CFAP210: variants seen among roughly 807,000 people sequenced by gnomAD.
CFAP210 encodes cilia- and flagella- associated protein 210.
chr2:169,657,405 A>C, the CFAP210 span, among the ~76,000 whole-genome samples: 3 of 152,188 alleles, frequency 2.0e-5, no homozygotes, highest in Admixed American at 2.0e-4. Flanking sequence ...AACCATTCGG[A>C]CAGAAAGAAG....
the CFAP210 span, among the ~76,000 whole-genome samples, chr2:169,651,453 G>A: frequency 1.3e-5 from 2 of 151,814 alleles, no homozygotes; most frequent in East Asian, 3.9e-4. Context: ...GGAGTGCAGT[G>A]GCACAATCTT....
At chr2:169,687,602 T>C in the CFAP210 span, among the ~76,000 whole-genome samples, 62,007 of 152,080 alleles carry the variant, frequency 0.41, 12,936 homozygotes, top group Non-Finnish European at 0.44. Flanking sequence ...GGACCCATGG[T>C]CTTTGGCAGT....
chr2:169,650,292 G>A, the CFAP210 span: 1 of 1,509,930 alleles, frequency 6.6e-7, no homozygotes, highest in Middle Eastern at 2.1e-4. Context: ...TCCTAACTCT[G>A]TCTTTCTATT....
At chr2:169,682,559 C>G in the CFAP210 span, among the ~76,000 whole-genome samples, 1 of 152,246 alleles carries the variant, frequency 6.6e-6, no homozygotes, top group South Asian at 2.1e-4. Flanking sequence ...GAATATAAAT[C>G]TGGCATATGT....
At chr2:169,664,212 A>G in the CFAP210 span, among the ~76,000 whole-genome samples, 1 of 151,936 alleles carries the variant, frequency 6.6e-6, no homozygotes. Context: ...AAAAAAAAAG[A>G]TTTGAAGAAC....
chr2:169,654,451 T>C, the CFAP210 span, among the ~76,000 whole-genome samples: 12 of 152,148 alleles, frequency 7.9e-5, no homozygotes, highest in Admixed American at 7.9e-4. Flanking sequence ...TATTCAATCA[T>C]AGAGAATAAT....
At chr2:169,659,769 C>T in the CFAP210 span, among the ~76,000 whole-genome samples, 1 of 152,202 alleles carries the variant, frequency 6.6e-6, no homozygotes, top group Non-Finnish European at 1.5e-5. Flanking sequence ...TAACTCATTC[C>T]AGCATTAACT....
the CFAP210 span, chr2:169,674,861 T>A: frequency 6.6e-7 from 1 of 1,505,746 alleles, no homozygotes; most frequent in Non-Finnish European, 8.8e-7. Flanking sequence ...AAAACTCAAG[T>A]AGTACATGAA....
At chr2:169,667,692 A>C in the CFAP210 span, among the ~76,000 whole-genome samples, 1 of 152,074 alleles carries the variant, frequency 6.6e-6, no homozygotes, top group Non-Finnish European at 1.5e-5. Context: ...GCTCATTGAC[A>C]ATGACCAGGT....
the CFAP210 span, among the ~76,000 whole-genome samples, chr2:169,681,595 T>A: frequency 9.1e-4 from 139 of 152,304 alleles, no homozygotes; most frequent in Non-Finnish European, 1.8e-3. Flanking sequence ...TATAAATGGA[T>A]AACTTTGTGG....
At chr2:169,648,308 T>C in the CFAP210 span, 1 of 172,032 alleles carries the variant, frequency 5.8e-6, no homozygotes, top group Non-Finnish European at 1.3e-5. Context: ...AAAGAGGGGA[T>C]AGGGAGTTAC....
chr2:169,656,305 GGAA>G, the CFAP210 span, among the ~76,000 whole-genome samples: 1 of 151,258 alleles, frequency 6.6e-6, no homozygotes, highest in South Asian at 2.1e-4. Flanking sequence ...AAGAGGAAGA[GGAA>G]GAAGAGGAAG....
At chr2:169,661,290 T>C in the CFAP210 span, 10 of 537,818 alleles carry the variant, frequency 1.9e-5, no homozygotes, top group Admixed American at 1.2e-4. Context: ...CGTTTGCATC[T>C]TTTAATACTA....
At chr2:169,669,509 TACA>T in the CFAP210 span, among the ~76,000 whole-genome samples, 2 of 152,286 alleles carry the variant, frequency 1.3e-5, no homozygotes, top group Middle Eastern at 6.8e-3. Context: ...AAGAGACTGA[TACA>T]ACAACCCATG....
At chr2:169,657,532 A>G in the CFAP210 span, among the ~76,000 whole-genome samples, 3 of 152,174 alleles carry the variant, frequency 2.0e-5, no homozygotes, top group Non-Finnish European at 4.4e-5. Flanking sequence ...AGCCTAGTCA[A>G]CATGGCGAAA....
At chr2:169,674,971 G>C in the CFAP210 span, 1 of 1,545,310 alleles carries the variant, frequency 6.5e-7, no homozygotes, top group Non-Finnish European at 8.7e-7. Context: ...TCCAGATCAA[G>C]AATTTGTCTT....
the CFAP210 span, among the ~76,000 whole-genome samples, chr2:169,669,103 T>TA: frequency 2.6e-5 from 4 of 152,200 alleles, no homozygotes; most frequent in South Asian, 8.3e-4. Flanking sequence ...TTGAGGTACT[T>TA]AGATAACTTT....
At chr2:169,654,304 C>T in the CFAP210 span, 1 of 1,101,220 alleles carries the variant, frequency 9.1e-7, no homozygotes. Context: ...CAAATGGTCA[C>T]AGCTTCTGAC....
the CFAP210 span, among the ~76,000 whole-genome samples, chr2:169,663,708 T>G: frequency 6.6e-6 from 1 of 151,666 alleles, no homozygotes; most frequent in Non-Finnish European, 1.5e-5. Flanking sequence ...AGCTTTAGAG[T>G]CAGATTCACT....
Sources: gnomAD v4.1 joint callset for allele counts (sites outside exome capture counted in the v4.1 genomes callset) on GRCh38, gnomAD v4.1.1 for gene constraint, MANE v1.5 for transcripts, NCBI Gene and HGNC (gene_info 2026-07-23, HGNC 2026-07-21) for gene names.